DSCAM: variants seen among roughly 807,000 people sequenced by gnomAD.
DSCAM encodes the protein cell adhesion molecule DSCAM.
In DSCAM, 47 loss-of-function variants were observed where a neutral mutation model predicts 217.7. That is an observed-to-expected ratio of 0.22 (90% CI 0.17 to 0.28). DSCAM has a LOEUF of 0.28. Ranked by LOEUF, DSCAM falls within the 10% of genes least tolerant of loss-of-function variation. The pLI, the probability that DSCAM is intolerant of heterozygous loss-of-function variation, is 1.00. For synonymous variants in DSCAM, 1,056 were observed against 1,015.3 expected, an observed-to-expected ratio of 1.04 and a Z score of -0.76; for missense variants, 2,080 against 2,618.3, an observed-to-expected ratio of 0.79 and a Z score of 4.49.
intron 3 of DSCAM, among the ~76,000 whole-genome samples, chr21:40,541,454 A>C (rs76473214): frequency 0.014 from 2,177 of 152,316 alleles, 65 homozygotes; most frequent in African/African-American, 0.049. Flanking sequence ...GAAGAATCCT[A>C]AACATAATGC....
chr21:40,563,668 ATATATGTT>A lies in DSCAM; in HGVS notation c.508+129134_508+129141del, dbSNP rs1394585040. On this transcript the variant is annotated intron_variant, in intron 3 of 32. Coordinates refer to ENST00000400454, the MANE Select transcript of DSCAM (RefSeq NM_001389.5). ...TAGTTATATGTTTATGTTTGTTTAT[ATATATGTT>A]TATATGTTTATATATAGTTATATGT... Among the ~76,000 whole-genome samples, 653 of 137,956 alleles carry A rather than the reference ATATATGTT, an allele frequency of 4.7e-3. 6 individuals are homozygous for A. Among genetic ancestry groups the A allele is most frequent in the African/African-American group, 0.016 (572 of 36,464 alleles). The allele number at this position is 137,956 out of a possible 152,430, so 90.5% of individuals were successfully genotyped here.
At chr21:40,551,579 T>C (rs1400501170) in intron 3 of DSCAM, among the ~76,000 whole-genome samples, 1 of 152,180 alleles carries the variant, frequency 6.6e-6, no homozygotes, top group African/African-American at 2.4e-5. Flanking sequence ...GATCTAGTTA[T>C]GTTAATAGGG....
rs115562803 is a variant in DSCAM at position 40,734,017 on chromosome 21, A to G, written c.44-25246T>C. ...CTTGGCATCCGTAAACCCCGACATC[A>G]CTTACTGTTGAATCTTAAACAGATG... On this transcript the variant is annotated intron_variant, in intron 1 of 32. Coordinates refer to ENST00000400454, the MANE Select transcript of DSCAM (RefSeq NM_001389.5). 2.9e-3 allele frequency among the ~76,000 whole-genome samples: 449 copies of G among 152,290 alleles called. 3 individuals are homozygous for G. Among genetic ancestry groups the G allele is most frequent in the African/African-American group, 0.01 (424 of 41,562 alleles).
chr21:40,430,995 T>C (rs1300209105), intron 3 of DSCAM, among the ~76,000 whole-genome samples: 1 of 152,142 alleles, frequency 6.6e-6, no homozygotes, highest in South Asian at 2.1e-4. Flanking sequence ...TGCAAAATCT[T>C]ACAAATGAAA....
At chr21:40,184,453 C>T (rs1348065957) in intron 14 of DSCAM, among the ~76,000 whole-genome samples, 3 of 152,084 alleles carry the variant, frequency 2.0e-5, no homozygotes, top group Middle Eastern at 3.2e-3. Flanking sequence ...TCCTGGGACC[C>T]ATGCTGCCCC....
intron 1 of DSCAM, among the ~76,000 whole-genome samples, chr21:40,733,849 T>C (rs2091036876): frequency 2.0e-5 from 3 of 152,126 alleles, no homozygotes; most frequent in African/African-American, 4.8e-5. Context: ...GGTTTAGGAT[T>C]AGCAAGGCCA....
chr21:40,261,582 C>T (rs1388674425), intron 11 of DSCAM, among the ~76,000 whole-genome samples: 2 of 151,504 alleles, frequency 1.3e-5, no homozygotes, highest in South Asian at 2.1e-4. Flanking sequence ...CATTGGCTTT[C>T]CTGGGACTTC....
rs184206105 is a variant in DSCAM, at chr21:40,379,617, G to C, written c.509-10372C>G. 5.3e-4 allele frequency among the ~76,000 whole-genome samples: 81 copies of C among 152,138 alleles called. 3 individuals are homozygous for C. The East Asian group carries it at 0.014, about 27-fold the overall frequency. ...ATAATTCCCCATTTCACACATAATT[G>C]CATCAGTCCAGTTGATTTGGGTGTC... On this transcript the variant is annotated intron_variant, in intron 3 of 32. Transcript: ENST00000400454.
intron 10 of DSCAM, among the ~76,000 whole-genome samples, chr21:40,295,538 T>G (rs1003824009): frequency 6.6e-6 from 1 of 152,162 alleles, no homozygotes; most frequent in African/African-American, 2.4e-5. Context: ...TGGGCGTGTT[T>G]GTTTTTAAAA....
At chr21:40,075,263 C>T (rs760358515) in intron 26 of DSCAM, 50 bp from the exon 27 acceptor site, 108 of 1,597,284 alleles carry the variant, frequency 6.8e-5, no homozygotes, top group Admixed American at 1.7e-4. Flanking sequence ...GACGGCATGG[C>T]GGAGCTTTTA....
intron 32 of DSCAM, among the ~76,000 whole-genome samples, chr21:40,023,268 T>C (rs917712936): frequency 1.3e-5 from 2 of 151,750 alleles, no homozygotes; most frequent in Non-Finnish European, 2.9e-5. Context: ...AATCCAATCA[T>C]TGTTGGACAT....
intron 2 of DSCAM, among the ~76,000 whole-genome samples, chr21:40,700,434 C>G (rs2090643200): frequency 6.6e-6 from 1 of 152,164 alleles, no homozygotes; most frequent in Admixed American, 6.5e-5. Context: ...CAATGTTTTT[C>G]TGTGTCTGTT....
At chr21:40,535,494 C>T (rs537611689) in intron 3 of DSCAM, among the ~76,000 whole-genome samples, 3 of 152,074 alleles carry the variant, frequency 2.0e-5, no homozygotes, top group South Asian at 2.1e-4. Flanking sequence ...CAGTGTTTGT[C>T]GAAGTTAAAA....
intron 3 of DSCAM, among the ~76,000 whole-genome samples, chr21:40,420,311 A>G (rs2075411133): frequency 6.6e-6 from 1 of 152,218 alleles, no homozygotes; most frequent in African/African-American, 2.4e-5. Flanking sequence ...GTATGACTCA[A>G]GATCTATGAC....
intron 3 of DSCAM, among the ~76,000 whole-genome samples, chr21:40,588,019 T>C (rs747669517): frequency 1.3e-5 from 2 of 152,224 alleles, no homozygotes; most frequent in Non-Finnish European, 2.9e-5. Flanking sequence ...GCTGGGTGCA[T>C]GGCTTCCAAT....
rs201894203 is a variant in DSCAM at position 40,276,164 on chromosome 21, G to A, written c.2289C>T (p.Tyr763=). The part of the protein sequence containing the change: ...IKHVVEEDSG[Y]YLCKVSNDVG... ...CATCGTTGCTGACCTTGCAGAGGTAGTAGCCACTGTCTTCCTCCACGACAT... is the reference window on the plus strand; with the variant it reads ...CATCGTTGCTGACCTTGCAGAGGTAATAGCCACTGTCTTCCTCCACGACAT... Residue 763 remains tyrosine, a synonymous_variant, in exon 11 of 33, where the codon TAC becomes TAT. Coordinates refer to ENST00000400454, the MANE Select transcript of DSCAM (RefSeq NM_001389.5). The A allele has an allele frequency of 1.2e-6, 2 of 1,611,476 alleles. No individual in the cohort carries two copies. The highest frequency in any genetic ancestry group is 1.7e-6 in the Non-Finnish European group (2 of 1,179,306).
chr21:40,678,169 C>T (rs576948765), intron 3 of DSCAM, among the ~76,000 whole-genome samples: 1 of 152,118 alleles, frequency 6.6e-6, no homozygotes, highest in East Asian at 1.9e-4. Context: ...TTTGTAATTC[C>T]TTCAGTATAA....
chr21:40,572,778 G>A (rs1372344893), intron 3 of DSCAM, among the ~76,000 whole-genome samples: 1 of 152,144 alleles, frequency 6.6e-6, no homozygotes, highest in Non-Finnish European at 1.5e-5. Flanking sequence ...ACTAAAGGAA[G>A]AATGTTGCTT....
intron 11 of DSCAM, among the ~76,000 whole-genome samples, chr21:40,237,457 A>G (rs1417122124): frequency 6.6e-6 from 1 of 152,136 alleles, no homozygotes; most frequent in African/African-American, 2.4e-5. Flanking sequence ...GAGTGAGAAC[A>G]CGTGGTGTTT....
Sources: gnomAD v4.1 joint callset for allele counts (sites outside exome capture counted in the v4.1 genomes callset) on GRCh38, gnomAD v4.1.1 for gene constraint, MANE v1.5 for transcripts, NCBI Gene and HGNC (gene_info 2026-07-23, HGNC 2026-07-21) for gene names.